CLNK: variants seen among roughly 807,000 people sequenced by gnomAD.
The protein encoded by CLNK is cytokine-dependent hematopoietic cell linker.
A neutral mutation model predicts 68.6 loss-of-function variants in CLNK; 74 were observed. The observed-to-expected ratio is 1.08, with a 90% CI of 0.89 to 1.31. The LOEUF is 1.31. Ranked by LOEUF, CLNK falls within the 50% of genes most tolerant of loss-of-function variation. The probability of loss-of-function intolerance (pLI) is 0.00; values close to 1 mark genes in which losing one functional copy is unlikely to be tolerated. For missense variants in CLNK, 553 were observed against 515.3 expected, an observed-to-expected ratio of 1.07 and a Z score of -0.71; for synonymous variants, 198 against 172.2, an observed-to-expected ratio of 1.15 and a Z score of -1.17.
At chr4:10,612,770 C>G (rs1560241945) in intron 2 of CLNK, among the ~76,000 whole-genome samples, 1 of 152,192 alleles carries the variant, frequency 6.6e-6, no homozygotes, top group Non-Finnish European at 1.5e-5. Context: ...AAAAGATAAT[C>G]AAACCCAGGA....
chr4:10,552,685 C>T (rs1719509634), intron 8 of CLNK, among the ~76,000 whole-genome samples: 1 of 152,128 alleles, frequency 6.6e-6, no homozygotes, highest in African/African-American at 2.4e-5. Context: ...TTCCCCCAAA[C>T]TGCCTTTGGA....
Position 10,548,973 on chromosome 4 carries a change from G to T in CLNK, c.446-6693C>A, listed in dbSNP as rs116954367. ...AGCCTTGTTCCTTTTACTCAAGATTGCCTTGGCCACTCAGGGTCTTTTGTG... is the reference window on the plus strand; with the variant it reads ...AGCCTTGTTCCTTTTACTCAAGATTTCCTTGGCCACTCAGGGTCTTTTGTG... On this transcript the variant is annotated intron_variant, in intron 8 of 18. Transcript: ENST00000226951. 3.3e-5 allele frequency among the ~76,000 whole-genome samples: 5 copies of T among 152,342 alleles called. No individual in the cohort carries two copies. In the East Asian group the frequency reaches 9.7e-4, roughly 29 times the overall value.
chr4:10,685,897 C>T (rs1725253509), upstream of CLNK, among the ~76,000 whole-genome samples: 1 of 152,184 alleles, frequency 6.6e-6, no homozygotes, highest in Non-Finnish European at 1.5e-5. Context: ...GCATTAGGGG[C>T]TTAAAGCAGT....
At chr4:10,618,430 C>T (rs1366409513) in intron 2 of CLNK, among the ~76,000 whole-genome samples, 13 of 152,026 alleles carry the variant, frequency 8.6e-5, no homozygotes, top group Non-Finnish European at 8.8e-5. Context: ...GGAAATCTTC[C>T]GAAACTGATT....
intron 18 of CLNK, among the ~76,000 whole-genome samples, chr4:10,491,271 C>T (rs1577082706): frequency 6.6e-6 from 1 of 152,166 alleles, no homozygotes; most frequent in African/African-American, 2.4e-5. Context: ...ATCCTAAGGA[C>T]TCAGATGGGT....
intron 18 of CLNK, 40 bp downstream of exon 18, chr4:10,501,216 C>T (rs766402750): frequency 7.9e-6 from 12 of 1,514,956 alleles, no homozygotes; most frequent in South Asian, 4.1e-5. Context: ...TTATTTGTTG[C>T]GCTTAGCCTG....
At chr4:10,526,666 T>C (rs1483769500) in intron 13 of CLNK, among the ~76,000 whole-genome samples, 1 of 152,186 alleles carries the variant, frequency 6.6e-6, no homozygotes, top group Non-Finnish European at 1.5e-5. Flanking sequence ...GGTTCTCACG[T>C]AGACCAGCAG....
At chr4:10,556,760 G>A (rs995957762) in intron 8 of CLNK, among the ~76,000 whole-genome samples, 1 of 152,100 alleles carries the variant, frequency 6.6e-6, no homozygotes, top group Non-Finnish European at 1.5e-5. Context: ...TTCACCAGGT[G>A]GTGAATTAAT....
At chr4:10,597,261 G>T (rs1266307038) in intron 3 of CLNK, among the ~76,000 whole-genome samples, 1 of 152,160 alleles carries the variant, frequency 6.6e-6, no homozygotes, top group Non-Finnish European at 1.5e-5. Flanking sequence ...ACCCCAGGAA[G>T]GCTTGGCCAG....
intron 17 of CLNK, among the ~76,000 whole-genome samples, chr4:10,504,958 G>A (rs540257655): frequency 1.3e-5 from 2 of 152,266 alleles, no homozygotes; most frequent in South Asian, 4.1e-4. Flanking sequence ...AAGAGAGGAA[G>A]GGAATATTTG....
At chr4:10,647,974 C>A (rs1380378497) in intron 2 of CLNK, among the ~76,000 whole-genome samples, 1 of 152,146 alleles carries the variant, frequency 6.6e-6, no homozygotes, top group African/African-American at 2.4e-5. Flanking sequence ...TGTGTCAAAT[C>A]CACTGATTTC....
chr4:10,487,197 C>T lies in CLNK; in HGVS notation c.*3270G>A, dbSNP rs186087947. On this transcript the variant is annotated 3_prime_UTR_variant, in exon 19 of 19. Transcript: ENST00000226951. ...TTAAAACACTGGAATTTGGGCATGC[C>T]AAATCCAAATCATTGAATATTCAAT... The T allele has an allele frequency of 6.6e-6, 1 of 152,232 alleles. No homozygotes were observed. Among genetic ancestry groups the T allele is most frequent in the East Asian group, 1.9e-4 (1 of 5,176 alleles). The allele number at this position is 152,232 out of a possible 1,614,324, so 9.4% of individuals were successfully genotyped here.
At chr4:10,494,254 AAG>A (rs2109018130) in intron 18 of CLNK, among the ~76,000 whole-genome samples, 1 of 152,336 alleles carries the variant, frequency 6.6e-6, no homozygotes, top group South Asian at 2.1e-4. Flanking sequence ...CATCACAAAA[AAG>A]GAAATCTTTC....
intron 2 of CLNK, among the ~76,000 whole-genome samples, chr4:10,604,555 A>G (rs1156422951): frequency 1.3e-5 from 2 of 151,638 alleles, no homozygotes; most frequent in East Asian, 1.9e-4. Context: ...GAAAAAGTAA[A>G]GGGCACAAAA....
intron 2 of CLNK, among the ~76,000 whole-genome samples, chr4:10,655,953 G>A (rs970073011): frequency 6.6e-6 from 1 of 151,908 alleles, no homozygotes; most frequent in Non-Finnish European, 1.5e-5. Context: ...CCGGCCGATA[G>A]CATTTTTAAT....
rs750211301 is a variant in CLNK, at chr4:10,513,493, G to A, written c.877C>T (p.Pro293Ser). 9.9e-6 allele frequency: 16 copies of A among 1,611,840 alleles called. No homozygotes were observed. Among genetic ancestry groups the A allele is most frequent in the Middle Eastern group, 1.7e-4 (1 of 6,050 alleles). ...CTATCAGACCTTTTGGGGAAAGGTG[G>A]TCTCCAGCTTGTGTATTTATAGGGC... ...ILPYKYTSWR[P>S]PFPKRSDRKD... The change falls in exon 16 of 19, where the codon CCA (proline) becomes TCA (serine). Residue 293 changes from proline to serine, a missense_variant. By Grantham distance (74) the Pro-to-Ser change is moderately conservative. Transcript: ENST00000226951.
the CLNK span, among the ~76,000 whole-genome samples, chr4:10,692,433 C>A: frequency 3.3e-5 from 5 of 152,170 alleles, no homozygotes; most frequent in Admixed American, 1.3e-4. Context: ...TAAGCCTGAA[C>A]TTCTTTGCAC....
intron 8 of CLNK, among the ~76,000 whole-genome samples, chr4:10,543,803 A>T (rs1460123177): frequency 1.3e-5 from 2 of 152,218 alleles, no homozygotes; most frequent in African/African-American, 4.8e-5. Context: ...AATAGGTAGG[A>T]TTCACTTCTT....
chr4:10,557,964 A>G (rs1719739375), intron 8 of CLNK, among the ~76,000 whole-genome samples: 1 of 152,100 alleles, frequency 6.6e-6, no homozygotes, highest in South Asian at 2.1e-4. Flanking sequence ...GAAATTGATT[A>G]TTTGCTTTTA....
Sources: gnomAD v4.1 joint callset for allele counts (sites outside exome capture counted in the v4.1 genomes callset) on GRCh38, gnomAD v4.1.1 for gene constraint, MANE v1.5 for transcripts, NCBI Gene and HGNC (gene_info 2026-07-23, HGNC 2026-07-21) for gene names.